Variants in WDR49 observed in about 807,000 individuals in gnomAD.
WDR49 encodes the protein cilia- and flagella-associated protein 337.
WDR49 carries 107 observed loss-of-function variants against 119.5 expected under a neutral mutation model. The observed-to-expected ratio is 0.90, with a 90% CI of 0.77 to 1.05. The LOEUF (loss-of-function observed/expected upper bound fraction) is 1.05, where lower values mean the gene tolerates loss of function less well. Among genes scored for constraint, WDR49 ranks in the 50% least tolerant of loss-of-function variants. The pLI is 0.00. For synonymous variants in WDR49, 425 were observed against 418.8 expected (o/e 1.01, Z -0.18); for missense variants, 1,240 against 1,220.5 (o/e 1.02, Z -0.24).
At chr3:167,503,319 T>C (rs1034708268) in intron 17 of WDR49, among the ~76,000 whole-genome samples, 3 of 152,240 alleles carry the variant, frequency 2.0e-5, no homozygotes, top group African/African-American at 7.2e-5. Context: ...GAATATCTGC[T>C]ACCACAGTGC....
chr3:167,572,139 A>C, intron 8 of WDR49, among the ~76,000 whole-genome samples: 1 of 152,214 alleles, frequency 6.6e-6, no homozygotes. Flanking sequence ...AGGATATTGG[A>C]TTGCTTTAAT....
chr3:167,617,546 A>C (rs1473260349), intron 5 of WDR49, among the ~76,000 whole-genome samples: 2 of 152,108 alleles, frequency 1.3e-5, no homozygotes, highest in African/African-American at 4.8e-5. Context: ...ACAAAGAAAC[A>C]AACCTTTAAA....
chr3:167,554,952 T>C (rs1379504653), intron 9 of WDR49, among the ~76,000 whole-genome samples, 154 bp from the exon 10 acceptor site: 2 of 152,202 alleles, frequency 1.3e-5, no homozygotes, highest in African/African-American at 2.4e-5. Context: ...TTGTGAAATA[T>C]CTAGTTGGTC....
intron 11 of WDR49, among the ~76,000 whole-genome samples, chr3:167,534,355 G>A (rs981575447): frequency 6.6e-6 from 1 of 152,130 alleles, no homozygotes; most frequent in African/African-American, 2.4e-5. Flanking sequence ...GAGAATGAGT[G>A]AAGAGATTGT....
chr3:167,598,580 G>A (rs547881234), intron 7 of WDR49, among the ~76,000 whole-genome samples: 37 of 152,292 alleles, frequency 2.4e-4, no homozygotes, highest in Non-Finnish European at 4.7e-4. Context: ...CATGAAAGAT[G>A]TGCCTTGCTT....
At chr3:167,513,149 C>T (rs1185917292) in intron 16 of WDR49, among the ~76,000 whole-genome samples, 3 of 152,052 alleles carry the variant, frequency 2.0e-5, no homozygotes, top group Non-Finnish European at 2.9e-5. Flanking sequence ...GACACATAAT[C>T]CTCAGACTTT....
intron 16 of WDR49, among the ~76,000 whole-genome samples, chr3:167,518,132 A>G (rs1253457118): frequency 2.0e-5 from 3 of 151,826 alleles, no homozygotes; most frequent in Admixed American, 6.6e-5. Context: ...CCAGTCTATC[A>G]TTGTTGGACA....
At chr3:167,584,298 TA>T (rs1443987773) in intron 7 of WDR49, among the ~76,000 whole-genome samples, 5 of 152,256 alleles carry the variant, frequency 3.3e-5, no homozygotes, top group Middle Eastern at 3.4e-3. Flanking sequence ...ATGCAATTTT[TA>T]TGGAAGATAG....
chr3:167,549,676 A>T (rs555096213), intron 10 of WDR49, among the ~76,000 whole-genome samples: 105 of 152,032 alleles, frequency 6.9e-4, no homozygotes, highest in African/African-American at 2.5e-3. Context: ...TTCTTTTGCT[A>T]TGCAGAAGCT....
At position 167,621,761 on chromosome 3, in the gene WDR49, A is replaced by G. The variant is rs113950826; in HGVS notation, c.607-118T>C. The stretch of plus-strand genomic sequence containing the variant: ...AGACTTTGTTCTCTGAGGATCCTTA[A>G]CAGTATTACAGAAGTTAAGAACAGC... On this transcript the variant is annotated intron_variant, in intron 3 of 18. Transcript: ENST00000682715. The G allele has an allele frequency of 3.0e-3, 2,799 of 930,708 alleles. 23 individuals are homozygous for G. The highest frequency in any genetic ancestry group is 3.0e-3 in the Non-Finnish European group (1,964 of 647,982). 57.7% of individuals were successfully genotyped at this position (930,708 alleles called of 1,614,324 possible).
At chr3:167,522,580 C>T in intron 15 of WDR49, 96 bp from the exon 16 acceptor site, 1 of 1,282,298 alleles carries the variant, frequency 7.8e-7, no homozygotes, top group South Asian at 1.5e-5. Flanking sequence ...TAATTAAAGT[C>T]CTGGGGTGGG....
intron 7 of WDR49, among the ~76,000 whole-genome samples, chr3:167,585,496 A>T (rs1414132428): frequency 6.6e-6 from 1 of 151,854 alleles, no homozygotes. Context: ...GTGATTAAGT[A>T]GTTAAATTAT....
chr3:167,581,885 G>C (rs1449865936), intron 7 of WDR49, among the ~76,000 whole-genome samples: 1 of 152,160 alleles, frequency 6.6e-6, no homozygotes, highest in Non-Finnish European at 1.5e-5. Context: ...AGGCATAAAA[G>C]TGAAGGAGAA....
intron 2 of WDR49, among the ~76,000 whole-genome samples, chr3:167,630,401 T>C (rs1029462427): frequency 1.3e-5 from 2 of 152,160 alleles, no homozygotes; most frequent in African/African-American, 4.8e-5. Flanking sequence ...CTTAAATATT[T>C]ATCTTTTATT....
intron 2 of WDR49, among the ~76,000 whole-genome samples, chr3:167,649,616 A>G (rs1167583302): frequency 6.6e-6 from 1 of 152,214 alleles, no homozygotes; most frequent in Non-Finnish European, 1.5e-5. Context: ...TTCAGTTTGA[A>G]TAAGTGCATT....
At chr3:167,557,752 CA>C (rs547560541) in intron 9 of WDR49, among the ~76,000 whole-genome samples, 4,570 of 105,936 alleles carry the variant, frequency 0.043, 100 homozygotes, top group South Asian at 0.059. Context: ...GACTCCGTCT[CA>C]AAAAAAAAAA....
At chr3:167,552,077 G>T (rs376427869) in intron 10 of WDR49, among the ~76,000 whole-genome samples, 5 of 152,106 alleles carry the variant, frequency 3.3e-5, no homozygotes, top group East Asian at 1.9e-4. Flanking sequence ...GAAACAGTAC[G>T]GCTTGTATGT....
At chr3:167,589,096 T>C (rs1714974569) in intron 7 of WDR49, among the ~76,000 whole-genome samples, 1 of 152,188 alleles carries the variant, frequency 6.6e-6, no homozygotes, top group Non-Finnish European at 1.5e-5. Flanking sequence ...CTATAATCAA[T>C]TTGGATTTAA....
intron 7 of WDR49, among the ~76,000 whole-genome samples, chr3:167,596,428 T>C (rs953959719): frequency 2.6e-5 from 4 of 151,942 alleles, no homozygotes; most frequent in African/African-American, 9.7e-5. Context: ...CACGTATGTT[T>C]ACTGTGGCAT....
Sources: allele counts gnomAD v4.1 joint callset (sites outside exome capture counted in the v4.1 genomes callset), GRCh38; gene constraint gnomAD v4.1.1; transcripts MANE v1.5; gene names NCBI Gene and HGNC (gene_info 2026-07-23, HGNC 2026-07-21).